MGAT4C: variants seen among roughly 807,000 people sequenced by gnomAD.
MGAT4C encodes the protein alpha-1,3-mannosyl-glycoprotein 4-beta-N-acetylglucosaminyltransferase C.
A neutral mutation model predicts 40.1 loss-of-function variants in MGAT4C; 19 were observed. The observed-to-expected ratio is 0.47, with a 90% CI of 0.33 to 0.70. MGAT4C has a LOEUF of 0.70. MGAT4C is among the 30% of genes least tolerant of loss of function. The pLI is 0.02. For synonymous variants in MGAT4C, 181 were observed against 187.1 expected (o/e 0.97, Z 0.27); for missense variants, 491 against 563.2 (o/e 0.87, Z 1.30).
chr12:86,630,932 C>G (rs566728790), intron 2 of MGAT4C, among the ~76,000 whole-genome samples: 35 of 152,044 alleles, frequency 2.3e-4, no homozygotes, highest in African/African-American at 3.6e-4. Context: ...AGAAATAAAG[C>G]GTATTCAATT....
At position 86,163,214 on chromosome 12, in the gene MGAT4C, T is replaced by G. The variant is rs11836849; in HGVS notation, c.-57+93025A>C. Among the ~76,000 whole-genome samples the G allele has an allele frequency of 4.0e-3, 606 of 152,204 alleles. 3 individuals carry two copies. Among genetic ancestry groups the G allele is most frequent in the African/African-American group, 0.014 (582 of 41,528 alleles). On this transcript the variant is annotated intron_variant, in intron 1 of 4. Coordinates refer to ENST00000611864, the MANE Select transcript of MGAT4C (RefSeq NM_001351288.2). Reference sequence around the variant, plus strand: ...AGAAATCATCCTCCCCCCCTTTTTTTTCTTTTTGAGACAGGGTCTCACTCT... The same window carrying G: ...AGAAATCATCCTCCCCCCCTTTTTTGTCTTTTTGAGACAGGGTCTCACTCT...
chr12:86,819,136 C>T (rs1952658375), intron 1 of MGAT4C, among the ~76,000 whole-genome samples: 1 of 150,828 alleles, frequency 6.6e-6, no homozygotes, highest in Non-Finnish European at 1.5e-5. Flanking sequence ...TAGTACTTTC[C>T]ACATGGCAGC....
At chr12:86,760,416 G>A (rs569927639) in intron 1 of MGAT4C, among the ~76,000 whole-genome samples, 17 of 151,852 alleles carry the variant, frequency 1.1e-4, no homozygotes, top group Admixed American at 3.3e-4. Context: ...GCTTTTCCAA[G>A]TAGCAAACAC....
intron 1 of MGAT4C, among the ~76,000 whole-genome samples, chr12:86,209,306 G>GA (rs1376418828): frequency 2.0e-4 from 31 of 151,420 alleles, no homozygotes; most frequent in Non-Finnish European, 1.6e-4. Context: ...CTACCCTTCT[G>GA]AAAAAAAATC....
At chr12:86,672,379 T>C (rs1164928798) in intron 2 of MGAT4C, among the ~76,000 whole-genome samples, 4 of 151,806 alleles carry the variant, frequency 2.6e-5, no homozygotes, top group Non-Finnish European at 1.5e-5. Flanking sequence ...TCCTAAAGAA[T>C]AAGAAAATCA....
At chr12:86,189,442 C>T (rs61948964) in intron 1 of MGAT4C, among the ~76,000 whole-genome samples, 12,650 of 151,646 alleles carry the variant, frequency 0.083, 625 homozygotes, top group Middle Eastern at 0.22. Context: ...AAATACAAAA[C>T]GAAATTAGCA....
intron 3 of MGAT4C, among the ~76,000 whole-genome samples, chr12:86,415,383 T>A (rs756208520): frequency 1.3e-5 from 2 of 151,852 alleles, no homozygotes; most frequent in Non-Finnish European, 2.9e-5. Context: ...CAAAGATAAT[T>A]ACAACATGGT....
intron 2 of MGAT4C, among the ~76,000 whole-genome samples, chr12:86,041,103 C>A (rs538070597): frequency 1.3e-5 from 2 of 151,980 alleles, no homozygotes; most frequent in African/African-American, 4.8e-5. Flanking sequence ...CTGGTTGCTG[C>A]AGACCGGAGC....
At chr12:86,809,060 G>C (rs1006347710) in intron 1 of MGAT4C, among the ~76,000 whole-genome samples, 1 of 151,946 alleles carries the variant, frequency 6.6e-6, no homozygotes, top group African/African-American at 2.4e-5. Flanking sequence ...AAATACCTAA[G>C]AATACAGCTA....
chr12:86,682,282 A>T (rs1949997277), intron 2 of MGAT4C, among the ~76,000 whole-genome samples: 1 of 152,208 alleles, frequency 6.6e-6, no homozygotes, highest in Non-Finnish European at 1.5e-5. Context: ...ATTTTATTAG[A>T]TGCAATATTT....
chr12:86,183,691 T>A (rs1888382350), intron 1 of MGAT4C, among the ~76,000 whole-genome samples: 1 of 152,178 alleles, frequency 6.6e-6, no homozygotes, highest in Admixed American at 6.5e-5. Context: ...AAGTCTCTTT[T>A]CCTGGCTTGT....
At chr12:86,339,809 T>C (rs938067256) in intron 3 of MGAT4C, among the ~76,000 whole-genome samples, 1 of 152,152 alleles carries the variant, frequency 6.6e-6, no homozygotes, top group African/African-American at 2.4e-5. Flanking sequence ...TAGTTTTTCT[T>C]TTCCTCAAGT....
Position 85,964,804 on chromosome 12 carries a change from C to T in MGAT4C, c.*14485G>A, listed in dbSNP as rs1161867217. ...TATGGAGAAGTAGAATGAGAGGCCACCTAGGTAATGTGATTTATTAAAAGT... is the reference window on the plus strand; with the variant it reads ...TATGGAGAAGTAGAATGAGAGGCCATCTAGGTAATGTGATTTATTAAAAGT... On this transcript the variant is annotated 3_prime_UTR_variant, in exon 5 of 5. Transcript: ENST00000611864. The T allele has an allele frequency of 2.0e-5, 3 of 151,942 alleles. No homozygotes were observed. The highest frequency in any genetic ancestry group is 2.9e-5 in the Non-Finnish European group (2 of 67,984). The allele number at this position is 151,942 out of a possible 1,614,324, so 9.4% of individuals were successfully genotyped here.
intron 4 of MGAT4C, among the ~76,000 whole-genome samples, chr12:86,272,295 T>G (rs1952969896): frequency 6.6e-6 from 1 of 152,198 alleles, no homozygotes; most frequent in Non-Finnish European, 1.5e-5. Flanking sequence ...TATCCTTAGA[T>G]GGACATTTGG....
At chr12:86,537,093 C>A (rs1959084771) in intron 2 of MGAT4C, among the ~76,000 whole-genome samples, 1 of 152,000 alleles carries the variant, frequency 6.6e-6, no homozygotes, top group African/African-American at 2.4e-5. Context: ...AAGCTGGAAA[C>A]CATCACTCTC....
chr12:86,456,802 C>T, intron 2 of MGAT4C, among the ~76,000 whole-genome samples: 1 of 152,074 alleles, frequency 6.6e-6, no homozygotes, highest in East Asian at 1.9e-4. Context: ...TTAAAAGATG[C>T]ATGACATAAA....
At chr12:86,631,055 G>A (rs1178186117) in intron 2 of MGAT4C, among the ~76,000 whole-genome samples, 1 of 152,120 alleles carries the variant, frequency 6.6e-6, no homozygotes, top group African/African-American at 2.4e-5. Context: ...CTTTAGCAAA[G>A]TCTCAGGATA....
intron 2 of MGAT4C, among the ~76,000 whole-genome samples, chr12:86,714,766 GAAGGGAAA>G (rs1372882848): frequency 7.4e-6 from 1 of 135,382 alleles, no homozygotes; most frequent in Non-Finnish European, 1.6e-5. Context: ...GAAAGAGGTG[GAAGGGAAA>G]AAGGAAGGAA....
At chr12:86,443,646 TGCAGTG>T (rs998712230) in intron 2 of MGAT4C, among the ~76,000 whole-genome samples, 2 of 152,194 alleles carry the variant, frequency 1.3e-5, no homozygotes, top group African/African-American at 4.8e-5. Flanking sequence ...CAGGCTGGAG[TGCAGTG>T]GCACGATCTC....
Sources: allele counts gnomAD v4.1 joint callset (sites outside exome capture counted in the v4.1 genomes callset), GRCh38; gene constraint gnomAD v4.1.1; transcripts MANE v1.5; gene names NCBI Gene and HGNC (gene_info 2026-07-23, HGNC 2026-07-21).